Variants in CASR observed in about 807,000 individuals in gnomAD.
CASR encodes extracellular calcium-sensing receptor.
CASR carries 23 observed loss-of-function variants against 69.1 expected under a neutral mutation model. The ratio of observed to expected loss-of-function variants is 0.33; its 90% CI spans 0.24 to 0.47. The LOEUF is 0.47. CASR is among the 20% of genes least tolerant of loss of function. The probability of loss-of-function intolerance (pLI) is 1.00; values close to 1 mark genes in which losing one functional copy is unlikely to be tolerated. For missense variants in CASR, 924 were observed against 1,356.1 expected (o/e 0.68, Z 5.00); for synonymous variants, 541 against 544.7 (o/e 0.99, Z 0.10).
intron 1 of CASR, among the ~76,000 whole-genome samples, chr3:122,219,672 G>A (rs571181857): frequency 6.6e-6 from 1 of 152,338 alleles, no homozygotes; most frequent in Non-Finnish European, 1.5e-5. Context: ...AGGTTAAAGT[G>A]GCAAAGCTGC....
At chr3:122,281,631 GA>G (rs925573346) in intron 5 of CASR, among the ~76,000 whole-genome samples, 1 of 151,996 alleles carries the variant, frequency 6.6e-6, no homozygotes, top group Non-Finnish European at 1.5e-5. Context: ...GTGATCATAT[GA>G]TTTTTTTTCT....
chr3:122,220,277 C>T (rs2074157680), intron 1 of CASR, among the ~76,000 whole-genome samples: 1 of 152,238 alleles, frequency 6.6e-6, no homozygotes, highest in Non-Finnish European at 1.5e-5. Context: ...TCATCCTGCT[C>T]TTCCTCCAGT....
At chr3:122,201,744 T>G (rs1318474598) in intron 1 of CASR, among the ~76,000 whole-genome samples, 1 of 151,462 alleles carries the variant, frequency 6.6e-6, no homozygotes, top group Non-Finnish European at 1.5e-5. Context: ...CCAGACGGGG[T>G]GGCTGCCGGG....
intron 1 of CASR, among the ~76,000 whole-genome samples, chr3:122,199,053 T>C (rs1177699994): frequency 6.6e-6 from 1 of 152,260 alleles, no homozygotes; most frequent in African/African-American, 2.4e-5. Context: ...TTCATTATGC[T>C]ACTACTTGTG....
At chr3:122,190,487 T>C (rs1296788092) in intron 1 of CASR, among the ~76,000 whole-genome samples, 1 of 152,220 alleles carries the variant, frequency 6.6e-6, no homozygotes, top group Non-Finnish European at 1.5e-5. Context: ...CTTCGTGACC[T>C]TGGGCAGGTT....
chr3:122,258,296 T>A (rs1339179390), intron 3 of CASR, among the ~76,000 whole-genome samples: 1 of 152,156 alleles, frequency 6.6e-6, no homozygotes, highest in African/African-American at 2.4e-5. Flanking sequence ...TTTTGAATGT[T>A]TAATATTTAA....
Position 122,282,107 on chromosome 3 carries a change from C to G in CASR, c.1609-6C>G, listed in dbSNP as rs1423240738. On this transcript the variant is annotated splice_polypyrimidine_tract_variant and splice_region_variant and intron_variant, in intron 5 of 6. Transcript: ENST00000639785. Reference sequence around the variant, plus strand: ...GCCACTCACCTTTGTGCTGTCTGTCCTCCAGGTGCCCTTCTCCAACTGCAG... The same window carrying G: ...GCCACTCACCTTTGTGCTGTCTGTCGTCCAGGTGCCCTTCTCCAACTGCAG... 6.2e-7 allele frequency: 1 copy of G among 1,614,114 alleles called. No individual in the cohort carries two copies. The highest frequency in any genetic ancestry group is 1.7e-5 in the Admixed American group (1 of 60,006).
intron 1 of CASR, among the ~76,000 whole-genome samples, chr3:122,215,149 C>T (rs1210304544): frequency 6.6e-6 from 1 of 152,226 alleles, no homozygotes; most frequent in Non-Finnish European, 1.5e-5. Context: ...ATGATTACGG[C>T]CCTCTGCCTC....
rs150673934 is a variant in CASR at position 122,258,727 on chromosome 3, A to G, written c.492+1340A>G. ...AAGTGCTTTGATTATCAATCAAACC[A>G]ATATAAGTCTATCTACAGTAGGGGT... On this transcript the variant is annotated intron_variant, in intron 3 of 6. Transcript: ENST00000639785. 1.0e-3 allele frequency among the ~76,000 whole-genome samples: 152 copies of G among 152,310 alleles called. No individual in the cohort carries two copies. In the East Asian group the frequency reaches 0.025, roughly 25 times the overall value.
At chr3:122,251,090 C>T (rs1463890) in intron 1 of CASR, among the ~76,000 whole-genome samples, 129,913 of 152,158 alleles carry the variant, frequency 0.85, 55,868 homozygotes, top group Admixed American at 0.89. Flanking sequence ...CAGGAGGAGA[C>T]TCCATGAAAA....
chr3:122,238,215 C>T (rs2074347600), intron 1 of CASR, among the ~76,000 whole-genome samples: 2 of 152,186 alleles, frequency 1.3e-5, no homozygotes, highest in Admixed American at 6.5e-5. Context: ...CCAGCAGTGG[C>T]CGTGTGGTGC....
At chr3:122,215,590 T>C (rs1483053617) in intron 1 of CASR, among the ~76,000 whole-genome samples, 1 of 152,240 alleles carries the variant, frequency 6.6e-6, no homozygotes, top group Non-Finnish European at 1.5e-5. Context: ...TCATTAATAT[T>C]TGGTGAACAT....
intron 1 of CASR, among the ~76,000 whole-genome samples, chr3:122,244,073 C>G (rs918670961): frequency 6.6e-6 from 1 of 151,650 alleles, no homozygotes; most frequent in African/African-American, 2.4e-5. Flanking sequence ...TTAATGGGTA[C>G]AAAAAGTAGT....
intron 1 of CASR, among the ~76,000 whole-genome samples, chr3:122,235,786 C>A (rs946123050): frequency 6.6e-6 from 1 of 152,088 alleles, no homozygotes; most frequent in Non-Finnish European, 1.5e-5. Flanking sequence ...CATAGTGAGA[C>A]CATGTCTCTA....
intron 4 of CASR, among the ~76,000 whole-genome samples, chr3:122,269,609 G>A (rs1487051008): frequency 6.6e-6 from 1 of 152,050 alleles, no homozygotes; most frequent in East Asian, 1.9e-4. Context: ...CTAAAATTTG[G>A]TTAAGAAATT....
At position 122,202,430 on chromosome 3, in the gene CASR, G is replaced by A. The variant is rs923367042; in HGVS notation, c.-243+18618G>A. ...GTGGAAAGAGAGGGAGAGGGAGACC[G>A]TGGAAAGAGAGGGAGAGGGAGACCA... On this transcript the variant is annotated intron_variant, in intron 1 of 6. Transcript: ENST00000639785. Among the ~76,000 whole-genome samples, 213 of 151,134 alleles carry A rather than the reference G, an allele frequency of 1.4e-3. 1 individual carries two copies. The highest frequency in any genetic ancestry group is 4.7e-3 in the East Asian group (24 of 5,064).
At position 122,286,640 on chromosome 3, in the gene CASR, G is replaced by C. The variant is rs1411068660; in HGVS notation, c.*1449G>C. ...CCAAGAGCTCTGGGCCCAACACATG[G>C]GGTCAGCCATAGTATCACTGGCTCA... On this transcript the variant is annotated 3_prime_UTR_variant, in exon 7 of 7. Transcript: ENST00000639785. 6.6e-6 allele frequency: 1 copy of C among 152,178 alleles called. No individual in the cohort carries two copies. Among genetic ancestry groups the C allele is most frequent in the African/African-American group, 2.4e-5 (1 of 41,430 alleles). The allele number at this position is 152,178 out of a possible 1,614,324, so 9.4% of individuals were successfully genotyped here.
At chr3:122,282,789 G>GTTGATAT (rs2074908295) in intron 6 of CASR, among the ~76,000 whole-genome samples, 1 of 152,230 alleles carries the variant, frequency 6.6e-6, no homozygotes, top group Non-Finnish European at 1.5e-5. Flanking sequence ...ATTAACTATA[G>GTTGATAT]TTGATATTAT....
intron 1 of CASR, among the ~76,000 whole-genome samples, chr3:122,184,921 G>A (rs2073763103): frequency 6.6e-6 from 1 of 152,268 alleles, no homozygotes; most frequent in African/African-American, 2.4e-5. Context: ...GAATATGGAG[G>A]GGAGGGCCAC....
Sources: gnomAD v4.1 joint callset for allele counts (sites outside exome capture counted in the v4.1 genomes callset) on GRCh38, gnomAD v4.1.1 for gene constraint, MANE v1.5 for transcripts, NCBI Gene and HGNC (gene_info 2026-07-23, HGNC 2026-07-21) for gene names.